Variants in TTLL1 observed in about 807,000 individuals in gnomAD.
The protein encoded by TTLL1 is TTL family tubulin polyglutamylase complex subunit L1.
TTLL1 carries 33 observed loss-of-function variants against 47.8 expected under a neutral mutation model. That is an observed-to-expected ratio of 0.69 (90% CI 0.52 to 0.92). The LOEUF (loss-of-function observed/expected upper bound fraction) is 0.92. TTLL1 is among the 40% of genes least tolerant of loss of function. The pLI, the probability that TTLL1 is intolerant of heterozygous loss-of-function variation, is 0.00. For missense variants in TTLL1, 488 were observed against 547.5 expected (o/e 0.89, Z 1.08); for synonymous variants, 225 against 214.1 (o/e 1.05, Z -0.45).
chr22:43,049,523 C>CA (rs1926423895), intron 9 of TTLL1, among the ~76,000 whole-genome samples: 1 of 136,818 alleles, frequency 7.3e-6, no homozygotes, highest in Admixed American at 7.9e-5. Flanking sequence ...AACTCAGTCT[C>CA]AAAAAAACAA....
At chr22:43,068,742 T>A in intron 4 of TTLL1, 152 bp from the exon 5 acceptor site, 1 of 584,238 alleles carries the variant, frequency 1.7e-6, no homozygotes, top group Non-Finnish European at 2.7e-6. Context: ...TGCTGCACAA[T>A]CCCTGGGCAA....
At chr22:43,058,089 G>A (rs1350511697) in intron 8 of TTLL1, among the ~76,000 whole-genome samples, 7 of 151,744 alleles carry the variant, frequency 4.6e-5, no homozygotes, top group Non-Finnish European at 1.0e-4. Context: ...GACTACAGGC[G>A]CCCACTACCA....
chr22:43,052,122 G>T (rs1926678737), intron 8 of TTLL1: 2 of 521,310 alleles, frequency 3.8e-6, no homozygotes, highest in Admixed American at 6.2e-5. Flanking sequence ...GGGCATCTCT[G>T]CGTCTCACTC....
chr22:43,042,439 A>T (rs1332324767), intron 10 of TTLL1, among the ~76,000 whole-genome samples: 1 of 152,176 alleles, frequency 6.6e-6, no homozygotes. Flanking sequence ...CTGGCTTTTC[A>T]CAGAAACAAT....
At chr22:43,051,511 G>A (rs1328713647) in intron 9 of TTLL1, among the ~76,000 whole-genome samples, 3 of 151,914 alleles carry the variant, frequency 2.0e-5, no homozygotes, top group Admixed American at 2.0e-4. Flanking sequence ...ACAGGGTGCA[G>A]GACTGAGGGA....
At chr22:43,088,322 A>G (rs1476153261) in intron 1 of TTLL1, among the ~76,000 whole-genome samples, 1 of 87,854 alleles carries the variant, frequency 1.1e-5, no homozygotes, top group African/African-American at 4.9e-5. Context: ...AGAAGGGCCC[A>G]TCTTTTTTTT....
At position 43,083,030 on chromosome 22, in the gene TTLL1, A is replaced by ATAC. The variant is rs550067370; in HGVS notation, c.-89-3045_-89-3044insGTA. The stretch of plus-strand genomic sequence containing the variant: ...ACTCTGTCTCAAAAATAATAAAATA[A>ATAC]TAATAATAATAATAATAAAGACCAA... On this transcript the variant is annotated intron_variant, in intron 1 of 10. Coordinates refer to ENST00000266254, the MANE Select transcript of TTLL1 (RefSeq NM_012263.5). Among the ~76,000 whole-genome samples, 231 of 150,930 alleles carry ATAC rather than the reference A, an allele frequency of 1.5e-3. 7 individuals are homozygous for ATAC. In the South Asian group the frequency reaches 0.046, roughly 30 times the overall value.
intron 3 of TTLL1, chr22:43,070,063 G>T: frequency 8.3e-7 from 1 of 1,197,952 alleles, no homozygotes; most frequent in Non-Finnish European, 1.2e-6. Context: ...GAGCTGTGCT[G>T]ATTCTGAGCT....
intron 8 of TTLL1, among the ~76,000 whole-genome samples, chr22:43,053,331 C>T (rs1431212620): frequency 1.3e-5 from 2 of 152,200 alleles, no homozygotes; most frequent in Non-Finnish European, 2.9e-5. Flanking sequence ...GGACCACCCT[C>T]CTCACTCACT....
chr22:43,053,562 A>G (rs946079127), intron 8 of TTLL1, among the ~76,000 whole-genome samples: 2 of 152,126 alleles, frequency 1.3e-5, no homozygotes, highest in Admixed American at 1.3e-4. Context: ...GTCTCTGTCC[A>G]GTCTCATGCT....
Position 43,046,326 on chromosome 22 carries a change from A to G in TTLL1, c.1142+84T>C. ...GTCTGCCCAAATAAGGAGAATCCAC[A>G]TATGCCCAGAAATCCAAGCTGGGCT... is the stretch of plus-strand genomic sequence containing the variant. On this transcript the variant is annotated intron_variant, in intron 10 of 10. Coordinates refer to ENST00000266254, the MANE Select transcript of TTLL1 (RefSeq NM_012263.5). 6.6e-6 allele frequency: 10 copies of G among 1,510,298 alleles called. No individual in the cohort carries two copies. The South Asian group carries it at 1.2e-4, about 18-fold the overall frequency. 93.6% of individuals were successfully genotyped at this position (1,510,298 alleles called of 1,614,324 possible).
intron 10 of TTLL1, among the ~76,000 whole-genome samples, chr22:43,042,892 G>C (rs1464766424): frequency 1.3e-5 from 2 of 151,322 alleles, no homozygotes; most frequent in African/African-American, 4.9e-5. Context: ...TCACCTTGTT[G>C]TCTCTTCAAC....
intron 8 of TTLL1, among the ~76,000 whole-genome samples, chr22:43,052,857 G>A (rs573556187): frequency 1.6e-4 from 24 of 152,080 alleles, no homozygotes; most frequent in East Asian, 7.7e-4. Context: ...TCGGGAGTTC[G>A]AGACCAGCCT....
In TTLL1 at chr22:43,077,300, T is replaced by C. The variant is rs372711812; in HGVS notation, c.-4-1710A>G. Among the ~76,000 whole-genome samples the C allele has an allele frequency of 3.3e-5, 5 of 152,228 alleles. No individual in the cohort carries two copies. In the East Asian group the frequency reaches 5.8e-4, roughly 18 times the overall value. ...CTCCTGCCACAGGCCTCGCACACAC[T>C]GGGCCCCTCCGCCTGCAGCATGCTG... On this transcript the variant is annotated intron_variant, in intron 2 of 10. Coordinates refer to ENST00000266254, the MANE Select transcript of TTLL1 (RefSeq NM_012263.5).
At chr22:43,043,102 G>A (rs1410004520) in intron 10 of TTLL1, among the ~76,000 whole-genome samples, 7 of 151,770 alleles carry the variant, frequency 4.6e-5, no homozygotes, top group Non-Finnish European at 7.4e-5. Flanking sequence ...CACCACGCCC[G>A]GCTAATTTTT....
chr22:43,057,939 T>C (rs1927129647), intron 8 of TTLL1, among the ~76,000 whole-genome samples: 2 of 116,746 alleles, frequency 1.7e-5, no homozygotes, highest in Admixed American at 1.9e-4. Context: ...ACTGGAAATA[T>C]ATATATATAT....
intron 2 of TTLL1, among the ~76,000 whole-genome samples, chr22:43,076,281 C>T (rs1928480406): frequency 6.6e-6 from 1 of 151,740 alleles, no homozygotes; most frequent in African/African-American, 2.4e-5. Context: ...TGTGGTGAAA[C>T]CCCATCTCTA....
intron 1 of TTLL1, among the ~76,000 whole-genome samples, chr22:43,083,624 A>C (rs149837981): frequency 0.013 from 2,038 of 152,232 alleles, 21 homozygotes; most frequent in South Asian, 0.036. Flanking sequence ...GCTACTCGGG[A>C]GGCTGAGGCA....
intron 3 of TTLL1, among the ~76,000 whole-genome samples, chr22:43,074,028 T>G (rs188003388): frequency 7.2e-5 from 11 of 151,740 alleles, no homozygotes; most frequent in Admixed American, 7.2e-4. Context: ...TTTGTCATGT[T>G]GGTCATGCTG....
Sources: allele counts gnomAD v4.1 joint callset (sites outside exome capture counted in the v4.1 genomes callset), GRCh38; gene constraint gnomAD v4.1.1; transcripts MANE v1.5; gene names NCBI Gene and HGNC (gene_info 2026-07-23, HGNC 2026-07-21).